The following ZBBX variants were observed in gnomAD, a reference collection of about 807,000 sequenced individuals.
ZBBX encodes the protein zinc finger B-box domain-containing protein 1.
ZBBX carries 101 observed loss-of-function variants against 108.5 expected under a neutral mutation model. The observed-to-expected ratio is 0.93, with a 90% confidence interval of 0.79 to 1.10. The LOEUF (loss-of-function observed/expected upper bound fraction) is 1.10, where lower values mean the gene tolerates loss of function less well. ZBBX is among the 50% of genes least tolerant of loss of function. ZBBX has a pLI of 0.00. For synonymous variants in ZBBX, 356 were observed against 323.4 expected, an observed-to-expected ratio of 1.10 and a Z score of -1.08; for missense variants, 1,009 against 941.4, an observed-to-expected ratio of 1.07 and a Z score of -0.94.
chr3:167,401,329 T>C (rs1293742837), intron 1 of ZBBX: 1 of 152,132 alleles, frequency 6.6e-6, no homozygotes, highest in Non-Finnish European at 1.5e-5. Context: ...TAGCTCTTAT[T>C]GTTGCAGGAA....
chr3:167,295,742 TATATATATATATATATAA>T (rs1378474207), intron 18 of ZBBX, among the ~76,000 whole-genome samples: 40 of 31,978 alleles, frequency 1.3e-3, no homozygotes, highest in Non-Finnish European at 1.5e-3. Context: ...TATATATATA[TATATATATATATATATAA>T]AAAAAACTAG....
chr3:167,271,361 G>A (rs1188687693), intron 20 of ZBBX, among the ~76,000 whole-genome samples: 1 of 152,220 alleles, frequency 6.6e-6, no homozygotes, highest in African/African-American at 2.4e-5. Flanking sequence ...CAACTTAGCA[G>A]ATCAGATAGC....
chr3:167,394,121 ATAAT>A (rs1169339018), intron 1 of ZBBX, among the ~76,000 whole-genome samples: 4 of 152,034 alleles, frequency 2.6e-5, no homozygotes, highest in African/African-American at 9.6e-5. Flanking sequence ...TTACATAACT[ATAAT>A]TAATTAAGTA....
chr3:167,388,129 T>G (rs776991462), intron 1 of ZBBX, among the ~76,000 whole-genome samples: 1 of 151,748 alleles, frequency 6.6e-6, no homozygotes, highest in Non-Finnish European at 1.5e-5. Flanking sequence ...CTATTTTAGG[T>G]GGAATAGTCA....
intron 20 of ZBBX, among the ~76,000 whole-genome samples, chr3:167,275,044 G>T (rs1333341936): frequency 6.6e-6 from 1 of 151,900 alleles, no homozygotes; most frequent in Non-Finnish European, 1.5e-5. Context: ...ATATTTTTGT[G>T]GTGGAAAAAC....
chr3:167,381,172 T>A (rs1747690050), upstream of ZBBX, among the ~76,000 whole-genome samples: 1 of 151,532 alleles, frequency 6.6e-6, no homozygotes, highest in African/African-American at 2.4e-5. Flanking sequence ...AATACCCATT[T>A]AAAAAAAAAT....
At chr3:167,295,989 G>A (rs13068321) in intron 18 of ZBBX, among the ~76,000 whole-genome samples, 38,902 of 151,058 alleles carry the variant, frequency 0.26, 5,756 homozygotes, top group South Asian at 0.34. Context: ...TATAATCAGT[G>A]ATGTAAAAAT....
intron 20 of ZBBX, among the ~76,000 whole-genome samples, chr3:167,249,394 G>T (rs953463473): frequency 1.1e-4 from 16 of 152,216 alleles, no homozygotes; most frequent in African/African-American, 3.9e-4. Context: ...CTAAAAATAT[G>T]AGTCCCAGGG....
At chr3:167,397,142 T>TAAAAAAAA (rs61671930) in intron 1 of ZBBX, among the ~76,000 whole-genome samples, 4,889 of 72,192 alleles carry the variant, frequency 0.068, 424 homozygotes, top group Non-Finnish European at 0.099. Context: ...TTCTTGGTGG[T>TAAAAAAAA]AAAAAAAAAA....
At chr3:167,202,401 CTG>C in the ZBBX span, among the ~76,000 whole-genome samples, 2 of 152,024 alleles carry the variant, frequency 1.3e-5, no homozygotes, top group Admixed American at 6.6e-5. Context: ...TTTAATATCT[CTG>C]TGATTTTGTT....
intron 8 of ZBBX, 92 bp from the exon 9 acceptor site, chr3:167,350,607 T>A (rs1387152955): frequency 1.1e-5 from 10 of 882,768 alleles, no homozygotes; most frequent in Non-Finnish European, 1.5e-5. Context: ...TTTTTTAATA[T>A]TTATTTCTCT....
At chr3:167,345,313 T>C (rs1741244204) in intron 9 of ZBBX, among the ~76,000 whole-genome samples, 1 of 151,902 alleles carries the variant, frequency 6.6e-6, no homozygotes. Context: ...TTTTAAAATC[T>C]TTTGATAGAA....
chr3:167,253,881 CAA>C (rs1723032611), intron 20 of ZBBX, among the ~76,000 whole-genome samples: 1 of 152,084 alleles, frequency 6.6e-6, no homozygotes, highest in South Asian at 2.1e-4. Flanking sequence ...AGATTTTCCA[CAA>C]GTCCTTTGGC....
In ZBBX at chr3:167,328,056, C is replaced by A. The variant is rs1737734157; in HGVS notation, c.748G>T (p.Glu250Ter). The A allele has an allele frequency of 6.2e-7, 1 of 1,613,810 alleles. No individual in the cohort carries two copies. The highest frequency in any genetic ancestry group is 8.5e-7 in the Non-Finnish European group (1 of 1,179,914). The change falls in exon 11 of 22, where the codon GAA becomes TAA. Residue 250 changes from glutamate (E) to a stop codon, truncating the protein, a stop_gained. Transcript: ENST00000675490. LOFTEE classifies it high-confidence loss of function. ...GAAGCTTCTTCATCGAATGACCCTT[C>A]ACACAACAGACTCTTTCTTGGTTTT... The part of the protein sequence containing the change: ...RTKPRKSLLC[E>*]GSFDEEASAQ...
chr3:167,371,122 C>A (rs1209243304), intron 4 of ZBBX, among the ~76,000 whole-genome samples: 1 of 152,134 alleles, frequency 6.6e-6, no homozygotes, highest in Non-Finnish European at 1.5e-5. Context: ...GTATTCCTGT[C>A]CTGGTTTTTA....
the ZBBX span, among the ~76,000 whole-genome samples, chr3:167,198,473 T>C: frequency 6.6e-6 from 1 of 152,270 alleles, no homozygotes; most frequent in South Asian, 2.1e-4. Context: ...GTTAAATTTC[T>C]GGATGGTACA....
At chr3:167,262,067 TAACTC>T (rs1724642211) in intron 20 of ZBBX, among the ~76,000 whole-genome samples, 1 of 152,194 alleles carries the variant, frequency 6.6e-6, no homozygotes, top group Non-Finnish European at 1.5e-5. Context: ...CTCTCCAAAT[TAACTC>T]AGCTCCAGGT....
the ZBBX span, among the ~76,000 whole-genome samples, chr3:167,225,488 G>A: frequency 1.3e-5 from 2 of 151,852 alleles, no homozygotes; most frequent in African/African-American, 4.8e-5. Context: ...GCCCCTTGCT[G>A]ATGGGCTCTC....
At chr3:167,220,655 C>G in the ZBBX span, among the ~76,000 whole-genome samples, 1 of 151,834 alleles carries the variant, frequency 6.6e-6, no homozygotes, top group Non-Finnish European at 1.5e-5. Flanking sequence ...AACCTTTCCT[C>G]TAAGATCTGG....
Sources: allele counts gnomAD v4.1 joint callset (sites outside exome capture counted in the v4.1 genomes callset), GRCh38; gene constraint gnomAD v4.1.1; transcripts MANE v1.5; gene names NCBI Gene and HGNC (gene_info 2026-07-23, HGNC 2026-07-21).